The following CEP112 variants were observed in gnomAD, a reference collection of about 807,000 sequenced individuals.
CEP112 encodes centrosomal protein 112.
CEP112 carries 127 observed loss-of-function variants against 153.0 expected under a neutral mutation model. That is an observed-to-expected ratio of 0.83 (90% CI 0.72 to 0.96). The LOEUF (loss-of-function observed/expected upper bound fraction) is 0.96, where lower values mean the gene tolerates loss of function less well. CEP112 is among the 40% of genes least tolerant of loss of function. The probability of loss-of-function intolerance (pLI) is 0.00; values close to 1 mark genes in which losing one functional copy is unlikely to be tolerated. For synonymous variants in CEP112, 358 were observed against 374.4 expected, an observed-to-expected ratio of 0.96 and a Z score of 0.51; for missense variants, 1,089 against 1,101.2, an observed-to-expected ratio of 0.99 and a Z score of 0.16.
chr17:65,848,944 C>A (rs2057823652), intron 21 of CEP112, among the ~76,000 whole-genome samples: 1 of 152,180 alleles, frequency 6.6e-6, no homozygotes, highest in African/African-American at 2.4e-5. Flanking sequence ...TCCTTGTTAC[C>A]TCCTGCTGCT....
chr17:65,832,556 C>G (rs2057128588), intron 21 of CEP112, among the ~76,000 whole-genome samples: 1 of 152,040 alleles, frequency 6.6e-6, no homozygotes, highest in Non-Finnish European at 1.5e-5. Context: ...AAATAACCAT[C>G]AGAAACTCCT....
intron 4 of CEP112, among the ~76,000 whole-genome samples, chr17:66,167,223 A>T (rs562425725): frequency 5.9e-5 from 9 of 152,226 alleles, no homozygotes; most frequent in African/African-American, 2.2e-4. Context: ...CTTTGGGAGG[A>T]TTAGTAATTA....
chr17:65,726,353 T>C (rs886317617), intron 23 of CEP112, among the ~76,000 whole-genome samples: 2 of 151,968 alleles, frequency 1.3e-5, no homozygotes, highest in Non-Finnish European at 2.9e-5. Context: ...AAAAAATTAT[T>C]ATTAAGGATT....
intron 6 of CEP112, among the ~76,000 whole-genome samples, chr17:66,127,926 A>T (rs571720796): frequency 2.8e-4 from 42 of 152,278 alleles, no homozygotes; most frequent in African/African-American, 1.0e-3. Flanking sequence ...TCAGTCACTT[A>T]GCACATTTTA....
chr17:65,771,788 G>A (rs899088322), intron 21 of CEP112, among the ~76,000 whole-genome samples: 2 of 152,152 alleles, frequency 1.3e-5, no homozygotes, highest in Non-Finnish European at 2.9e-5. Flanking sequence ...GCCAAGGCAG[G>A]AGAATTGCTT....
intron 23 of CEP112, among the ~76,000 whole-genome samples, chr17:65,719,538 T>C (rs547696293): frequency 6.6e-6 from 1 of 152,180 alleles, no homozygotes; most frequent in South Asian, 2.1e-4. Context: ...GCTGAGATCA[T>C]GCCACCGCAC....
At chr17:65,949,901 T>C (rs8068437) in intron 18 of CEP112, among the ~76,000 whole-genome samples, 7,912 of 152,272 alleles carry the variant, frequency 0.052, 279 homozygotes, top group South Asian at 0.11. Context: ...TATTCTTTTT[T>C]TAACTTAAAA....
At chr17:65,902,854 CA>C (rs1204219067) in intron 19 of CEP112, among the ~76,000 whole-genome samples, 2 of 151,914 alleles carry the variant, frequency 1.3e-5, no homozygotes, top group Admixed American at 1.3e-4. Context: ...TACGGTATAC[CA>C]ACATAAACAG....
chr17:65,924,116 A>G (rs904971007), intron 19 of CEP112, among the ~76,000 whole-genome samples: 1 of 152,068 alleles, frequency 6.6e-6, no homozygotes, highest in African/African-American at 2.4e-5. Context: ...AGCTGGGACC[A>G]CAGGCGCCCA....
At chr17:65,637,223 G>T in intron 25 of CEP112, 35 bp from the exon 26 acceptor site, 1 of 1,455,678 alleles carries the variant, frequency 6.9e-7, no homozygotes, top group Non-Finnish European at 9.7e-7. Flanking sequence ...AGAGGTGGAC[G>T]TGGCTTACAT....
At chr17:66,121,256 A>G (rs561539184) in intron 6 of CEP112, among the ~76,000 whole-genome samples, 1 of 151,386 alleles carries the variant, frequency 6.6e-6, no homozygotes, top group East Asian at 2.0e-4. Context: ...AGCCTGGGCA[A>G]CATGAGCGAC....
chr17:65,690,545 T>C (rs1212203476), intron 23 of CEP112, among the ~76,000 whole-genome samples: 1 of 145,602 alleles, frequency 6.9e-6, no homozygotes, highest in Non-Finnish European at 1.5e-5. Context: ...AGAAGAAAAA[T>C]AAAGCAGGGA....
At chr17:65,684,026 C>T (rs907772943) in intron 24 of CEP112, among the ~76,000 whole-genome samples, 13 of 152,042 alleles carry the variant, frequency 8.6e-5, no homozygotes, top group Admixed American at 3.3e-4. Flanking sequence ...GGCAACAGAG[C>T]GAGACTCCAT....
intron 17 of CEP112, among the ~76,000 whole-genome samples, chr17:65,962,781 C>T (rs571930901): frequency 5.4e-4 from 82 of 152,300 alleles, no homozygotes; most frequent in African/African-American, 1.9e-3. Context: ...CCTGCACAAG[C>T]TCTCTTTTTG....
At chr17:65,953,422 G>A (rs1198797489) in intron 18 of CEP112, among the ~76,000 whole-genome samples, 2 of 152,180 alleles carry the variant, frequency 1.3e-5, no homozygotes, top group African/African-American at 4.8e-5. Context: ...ACTACTACAG[G>A]AACATAGCAG....
intron 4 of CEP112, among the ~76,000 whole-genome samples, chr17:66,169,021 G>A (rs563724214): frequency 2.8e-4 from 43 of 152,150 alleles, no homozygotes; most frequent in Non-Finnish European, 5.0e-4. Context: ...GTCTGTCATC[G>A]TATAATGTCT....
At chr17:65,667,578 C>A (rs1309604324) in intron 24 of CEP112, among the ~76,000 whole-genome samples, 1 of 152,028 alleles carries the variant, frequency 6.6e-6, no homozygotes, top group Non-Finnish European at 1.5e-5. Context: ...CACACACACA[C>A]ACACACAAAA....
At chr17:66,066,388 T>C (rs1255372127) in intron 10 of CEP112, among the ~76,000 whole-genome samples, 1 of 152,182 alleles carries the variant, frequency 6.6e-6, no homozygotes, top group South Asian at 2.1e-4. Context: ...TAAAGAAGAA[T>C]AATTTCCTTT....
chr17:66,097,452 C>T (rs12936730), intron 6 of CEP112, among the ~76,000 whole-genome samples: 55,848 of 152,014 alleles, frequency 0.37, 11,376 homozygotes, highest in Non-Finnish European at 0.46. Context: ...CTGTTCACCA[C>T]TCTATCCCTA....
Sources: allele counts gnomAD v4.1 joint callset (sites outside exome capture counted in the v4.1 genomes callset), GRCh38; gene constraint gnomAD v4.1.1; transcripts MANE v1.5; gene names NCBI Gene and HGNC (gene_info 2026-07-23, HGNC 2026-07-21).